ATP2C1: variants seen among roughly 807,000 people sequenced by gnomAD.
The protein encoded by ATP2C1 is calcium-transporting ATPase type 2C member 1.
A neutral mutation model predicts 120.5 loss-of-function variants in ATP2C1; 31 were observed. The ratio of observed to expected loss-of-function variants is 0.26; its 90% CI spans 0.19 to 0.35. The LOEUF is 0.35. Ranked by LOEUF, ATP2C1 falls within the 10% of genes least tolerant of loss-of-function variation. The pLI is 1.00. For missense variants in ATP2C1, 731 were observed against 1,107.5 expected, an observed-to-expected ratio of 0.66 and a Z score of 4.83; for synonymous variants, 351 against 358.7, an observed-to-expected ratio of 0.98 and a Z score of 0.24.
chr3:130,999,236 G>T (rs1229886197), intron 26 of ATP2C1, among the ~76,000 whole-genome samples: 2 of 151,996 alleles, frequency 1.3e-5, no homozygotes, highest in Non-Finnish European at 2.9e-5. Flanking sequence ...TTGATGTTTG[G>T]GATGTTAAAA....
intron 20 of ATP2C1, among the ~76,000 whole-genome samples, chr3:130,984,882 A>G (rs2061926506): frequency 6.6e-6 from 1 of 152,108 alleles, no homozygotes; most frequent in African/African-American, 2.4e-5. Context: ...TTTTGCAAGC[A>G]TTTGCAAGCA....
chr3:131,016,087 A>T, intron 26 of ATP2C1: 1 of 1,581,052 alleles, frequency 6.3e-7, no homozygotes, highest in East Asian at 2.3e-5. Context: ...ATAAGTGAAA[A>T]TACTGTATTT....
chr3:130,850,899 A>C, exon 1 of ATP2C1: 2 of 1,422,590 alleles, frequency 1.4e-6, no homozygotes, highest in Non-Finnish European at 9.1e-7. Flanking sequence ...ATATTTATCG[A>C]CGCTGAGAAA....
At chr3:130,937,073 T>A (rs911134889) in intron 5 of ATP2C1, among the ~76,000 whole-genome samples, 13 of 152,170 alleles carry the variant, frequency 8.5e-5, no homozygotes, top group African/African-American at 1.9e-4. Flanking sequence ...TGTAATGAGG[T>A]TTAAAATTTT....
chr3:130,850,751 T>G (rs1309055173), exon 1 of ATP2C1: 17 of 716,008 alleles, frequency 2.4e-5, no homozygotes, highest in Non-Finnish European at 3.4e-5. Context: ...TCTGAGGAAT[T>G]GCTAAGTTTC....
At position 130,998,291 on chromosome 3, in the gene ATP2C1, C is replaced by T; in HGVS notation, c.2392-3C>T. ...AAGTAATTTTGTTATTGCCTCTTGA[C>T]AGCTACGAGACAATGTGATTACACC... is the stretch of plus-strand genomic sequence containing the variant. On this transcript the variant is annotated splice_polypyrimidine_tract_variant and splice_region_variant and intron_variant, in intron 25 of 27. Transcript: ENST00000510168. 1.2e-6 allele frequency: 2 copies of T among 1,600,810 alleles called. No individual in the cohort carries two copies. The highest frequency in any genetic ancestry group is 1.7e-6 in the Non-Finnish European group (2 of 1,167,890).
At chr3:130,947,938 C>A (rs2060217870) in intron 8 of ATP2C1, among the ~76,000 whole-genome samples, 1 of 152,116 alleles carries the variant, frequency 6.6e-6, no homozygotes, top group Admixed American at 6.5e-5. Context: ...AACTTTGCTT[C>A]AGTAGCATAC....
intron 1 of ATP2C1, among the ~76,000 whole-genome samples, chr3:130,883,990 G>A (rs2068878426): frequency 7.6e-6 from 1 of 132,102 alleles, no homozygotes; most frequent in Admixed American, 8.8e-5. Flanking sequence ...CACCCAGGCT[G>A]GACTGCAGTG....
chr3:130,942,943 G>C (rs992491542), intron 8 of ATP2C1, among the ~76,000 whole-genome samples: 3 of 152,082 alleles, frequency 2.0e-5, no homozygotes, highest in African/African-American at 7.2e-5. Flanking sequence ...TTTATTCTGG[G>C]CTGCTGCTCT....
At chr3:130,885,580 C>A (rs886792719) in intron 1 of ATP2C1, among the ~76,000 whole-genome samples, 2 of 148,716 alleles carry the variant, frequency 1.3e-5, no homozygotes, top group African/African-American at 4.9e-5. Flanking sequence ...CAACTTAAAA[C>A]TGATTGCATA....
intron 1 of ATP2C1, among the ~76,000 whole-genome samples, chr3:130,861,141 C>A (rs958665658): frequency 3.3e-5 from 5 of 152,060 alleles, no homozygotes; most frequent in African/African-American, 1.2e-4. Flanking sequence ...TGGTGGCATG[C>A]ACCTGTAGTC....
At chr3:130,991,127 C>T (rs1306213323) in intron 20 of ATP2C1, among the ~76,000 whole-genome samples, 1 of 152,066 alleles carries the variant, frequency 6.6e-6, no homozygotes, top group African/African-American at 2.4e-5. Context: ...CCCTGGGGTG[C>T]TCCAACATCT....
chr3:130,908,660 A>T (rs919782916), intron 2 of ATP2C1, among the ~76,000 whole-genome samples: 1 of 152,104 alleles, frequency 6.6e-6, no homozygotes, highest in African/African-American at 2.4e-5. Flanking sequence ...ATTAAGAATG[A>T]CTCAGTAGTG....
At chr3:130,930,862 A>G (rs988868182) in intron 3 of ATP2C1, among the ~76,000 whole-genome samples, 1 of 152,134 alleles carries the variant, frequency 6.6e-6, no homozygotes, top group Non-Finnish European at 1.5e-5. Context: ...TAGGAACTAT[A>G]TTAGTGCTGT....
intron 1 of ATP2C1, among the ~76,000 whole-genome samples, chr3:130,879,629 A>C (rs1054730532): frequency 6.6e-6 from 1 of 151,896 alleles, no homozygotes; most frequent in Non-Finnish European, 1.5e-5. Context: ...TTGTTTCTCT[A>C]TGTTAATATC....
intron 2 of ATP2C1, among the ~76,000 whole-genome samples, chr3:130,912,867 T>A (rs1388096479): frequency 6.6e-6 from 1 of 152,084 alleles, no homozygotes; most frequent in Non-Finnish European, 1.5e-5. Flanking sequence ...TGCCCAACAA[T>A]GATAGACTGG....
upstream of ATP2C1, among the ~76,000 whole-genome samples, chr3:130,892,012 G>C (rs1169925973): frequency 6.6e-6 from 1 of 151,996 alleles, no homozygotes; most frequent in Admixed American, 6.6e-5. Context: ...TTAGTAATAG[G>C]AACAATGATT....
chr3:130,894,169 T>A lies in ATP2C1; in HGVS notation c.-349T>A. ...TTCTCTCCCCTCCCCGCCCGCCCTC[T>A]CTCCCTCCCTTCCTCCCTCCCGCTC... On this transcript the variant is annotated 5_prime_UTR_variant, in exon 1 of 28. Transcript: ENST00000510168. The surrounding 1 kb of genome is among the most constrained non-coding windows in gnomAD (Gnocchi z 4.5). The A allele has an allele frequency of 2.7e-4, 72 of 268,894 alleles. No homozygotes were observed. Among genetic ancestry groups the A allele is most frequent in the Non-Finnish European group, 3.6e-4 (68 of 189,840 alleles). The allele number at this position is 268,894 out of a possible 1,614,324, so 16.7% of individuals were successfully genotyped here.
chr3:130,876,870 G>A (rs1485158124), intron 1 of ATP2C1, among the ~76,000 whole-genome samples: 3 of 152,004 alleles, frequency 2.0e-5, no homozygotes, highest in Admixed American at 2.0e-4. Context: ...TTTGTAGCTA[G>A]TATAAATGGA....
Sources: allele counts gnomAD v4.1 joint callset (sites outside exome capture counted in the v4.1 genomes callset), GRCh38; gene constraint gnomAD v4.1.1; non-coding constraint Gnocchi (gnomAD v3.1); transcripts MANE v1.5; gene names NCBI Gene and HGNC (gene_info 2026-07-23, HGNC 2026-07-21).